Variants in ATP10B observed in about 807,000 individuals in gnomAD.
ATP10B encodes the protein phospholipid-transporting ATPase VB.
A neutral mutation model predicts 141.2 loss-of-function variants in ATP10B; 122 were observed. That is an observed-to-expected ratio of 0.86 (90% CI 0.75 to 1.00). ATP10B has a LOEUF of 1.00. ATP10B is among the 50% of genes least tolerant of loss of function. ATP10B has a pLI of 0.00. For synonymous variants in ATP10B, 685 were observed against 692.0 expected (o/e 0.99, Z 0.16); for missense variants, 1,876 against 1,825.3 (o/e 1.03, Z -0.51).
At chr5:160,714,961 A>AGTCT (rs1487520308) in intron 3 of ATP10B, among the ~76,000 whole-genome samples, 3 of 117,030 alleles carry the variant, frequency 2.6e-5, no homozygotes, top group East Asian at 4.4e-4. Flanking sequence ...TTGAGGAGGC[A>AGTCT]GTCTGCCCGT....
At chr5:160,633,969 C>T (rs902220879) in intron 12 of ATP10B, 2 of 365,202 alleles carry the variant, frequency 5.5e-6, no homozygotes, top group Non-Finnish European at 5.3e-6. Flanking sequence ...CACAGACCTG[C>T]CCTGACATGT....
At chr5:160,862,529 G>T in the ATP10B span, among the ~76,000 whole-genome samples, 1 of 151,946 alleles carries the variant, frequency 6.6e-6, no homozygotes, top group Admixed American at 6.6e-5. Flanking sequence ...ACCCTGTGGG[G>T]TCCTCAGCCC....
intron 2 of ATP10B, among the ~76,000 whole-genome samples, chr5:160,721,285 T>C (rs1351120802): frequency 6.6e-6 from 1 of 152,144 alleles, no homozygotes; most frequent in Non-Finnish European, 1.5e-5. Flanking sequence ...TTGATTTTTA[T>C]CAAAAAGAAA....
At chr5:160,787,105 GACACACACACACACACACACACACAC>G (rs58517660) in intron 1 of ATP10B, among the ~76,000 whole-genome samples, 1 of 133,660 alleles carries the variant, frequency 7.5e-6, no homozygotes, top group African/African-American at 2.6e-5. Flanking sequence ...TTTTGACACA[GACACACACACACACACACACACACAC>G]ACACACACAC....
upstream of ATP10B, among the ~76,000 whole-genome samples, chr5:160,855,881 T>TA (rs974938043): frequency 1.5e-3 from 226 of 147,750 alleles, 2 homozygotes; most frequent in African/African-American, 3.6e-3. Flanking sequence ...TGTAACTTTG[T>TA]AAAAAAAAAA....
chr5:160,788,049 AC>A (rs1429055927), intron 1 of ATP10B, among the ~76,000 whole-genome samples: 1 of 152,106 alleles, frequency 6.6e-6, no homozygotes, highest in African/African-American at 2.4e-5. Context: ...TCATACATTC[AC>A]CTTCACCACC....
At chr5:160,761,297 C>T (rs1393225563) in intron 2 of ATP10B, among the ~76,000 whole-genome samples, 8 of 152,222 alleles carry the variant, frequency 5.3e-5, no homozygotes, top group East Asian at 3.9e-4. Context: ...CAGTCCACTT[C>T]GCTCCCCTGC....
chr5:160,765,295 G>T (rs34963637), intron 2 of ATP10B, among the ~76,000 whole-genome samples: 35,956 of 152,018 alleles, frequency 0.24, 4,602 homozygotes, highest in Non-Finnish European at 0.28. Flanking sequence ...AACAAATCTG[G>T]AGACATCACA....
chr5:160,569,681 G>T lies in ATP10B; in HGVS notation c.3753C>A (p.Thr1251=). 1 of 1,561,468 alleles carries T rather than the reference G, an allele frequency of 6.4e-7. No homozygotes were observed. The highest frequency in any genetic ancestry group is 1.4e-5 in the African/African-American group (1 of 72,958). Residue 1251 remains threonine, a splice_region_variant and synonymous_variant, in exon 25 of 26, where the codon ACC becomes ACA. Transcript: ENST00000327245. ...LHQAMEMKTW[T]IFHGVVLLGS... is the part of the protein sequence containing the mutation. ...CGAGGAGCACGACTCCGTGGAAAAT[G>T]GTCTGTGGAGGGAAATAAGCAAACA...
rs1245058495 is a variant in ATP10B, at chr5:160,587,230, A to G, written c.3750+2362T>C. ...AATAGGGAATCTTTTCCCCATTGCT[A>G]GTTTTTGTCTGGTTTGTTGAAGATC... On this transcript the variant is annotated intron_variant, in intron 24 of 25. Transcript: ENST00000327245. Among the ~76,000 whole-genome samples the G allele has an allele frequency of 2.6e-5, 4 of 152,076 alleles. No individual in the cohort carries two copies. In the South Asian group the frequency reaches 8.3e-4, roughly 32 times the overall value.
the ATP10B span, among the ~76,000 whole-genome samples, chr5:160,915,145 C>A: frequency 6.6e-6 from 1 of 152,160 alleles, no homozygotes; most frequent in Non-Finnish European, 1.5e-5. Context: ...CTTTTCAAAT[C>A]ATATTAAATT....
In ATP10B at chr5:160,687,947, G is replaced by A. The variant is rs1374405616; in HGVS notation, c.128C>T (p.Thr43Ile). ...PEKGRQSYNL[T>I]QQRVVFPNNS... Reference sequence around the variant, plus strand: ...GTTGGGGAACACGACCCGCTGCTGTGTCAAGTTGTAGCTCTGTCTCCCTTT... The same window carrying A: ...GTTGGGGAACACGACCCGCTGCTGTATCAAGTTGTAGCTCTGTCTCCCTTT... Residue 43 changes from threonine to isoleucine, a missense_variant, in exon 5 of 26, where the codon ACA becomes ATA. Thr to Ile is a moderately conservative substitution (Grantham distance 89, BLOSUM62 -1). Coordinates refer to ENST00000327245, the MANE Select transcript of ATP10B (RefSeq NM_025153.3). 1.2e-6 allele frequency: 2 copies of A among 1,614,006 alleles called. No homozygotes were observed. Among genetic ancestry groups the A allele is most frequent in the Admixed American group, 3.3e-5 (2 of 59,992 alleles).
At chr5:160,724,771 C>T (rs1376455094) in intron 2 of ATP10B, among the ~76,000 whole-genome samples, 2 of 152,210 alleles carry the variant, frequency 1.3e-5, no homozygotes, top group African/African-American at 4.8e-5. Context: ...TTGAGCACCT[C>T]CTCTGTTTCT....
Position 160,806,330 on chromosome 5 carries a change from G to A in ATP10B, c.-575-20527C>T, listed in dbSNP as rs75327501. Among the ~76,000 whole-genome samples, 883 of 152,300 alleles carry A rather than the reference G, an allele frequency of 5.8e-3. 8 individuals carry two copies. Among genetic ancestry groups the A allele is most frequent in the South Asian group, 0.022 (105 of 4,822 alleles). On this transcript the variant is annotated intron_variant, in intron 1 of 25. Transcript: ENST00000327245. ...CCTGACCCAGATAAAGGTCAACTGT[G>A]TTCCTGACACAGATCAAGGTAAGCA...
At chr5:160,628,186 C>T (rs1037732734) in intron 13 of ATP10B, among the ~76,000 whole-genome samples, 14 of 152,306 alleles carry the variant, frequency 9.2e-5, no homozygotes, top group African/African-American at 1.4e-4. Context: ...TTTTCCCAAA[C>T]GGGGCATAAG....
chr5:160,653,245 C>T (rs1431518727), intron 7 of ATP10B, among the ~76,000 whole-genome samples: 2 of 127,300 alleles, frequency 1.6e-5, no homozygotes, highest in Non-Finnish European at 3.1e-5. Flanking sequence ...AGTATATATA[C>T]ATACGTAGTA....
intron 1 of ATP10B, among the ~76,000 whole-genome samples, chr5:160,835,779 G>T (rs1303099330): frequency 1.3e-5 from 2 of 152,128 alleles, no homozygotes; most frequent in Non-Finnish European, 2.9e-5. Context: ...TTCTTCATGT[G>T]TTAGAAATAT....
intron 2 of ATP10B, among the ~76,000 whole-genome samples, chr5:160,770,097 C>G (rs143441162): frequency 6.6e-6 from 1 of 152,014 alleles, no homozygotes; most frequent in African/African-American, 2.4e-5. Context: ...AATCCTACCC[C>G]CTTTCCTCCT....
rs185655599 is a variant in ATP10B, at chr5:160,647,389, G to A, written c.761+1782C>T. Among the ~76,000 whole-genome samples, 203 of 152,252 alleles carry A rather than the reference G, an allele frequency of 1.3e-3. 1 individual carries two copies. Among genetic ancestry groups the A allele is most frequent in the African/African-American group, 7.5e-4 (31 of 41,554 alleles). ...CTTCATTCCATGGGTTAGCTACTCC[G>A]CAGTCCAACTGGACTTTTAGGACTC... On this transcript the variant is annotated intron_variant, in intron 8 of 25. Coordinates refer to ENST00000327245, the MANE Select transcript of ATP10B (RefSeq NM_025153.3).
Sources: allele counts gnomAD v4.1 joint callset (sites outside exome capture counted in the v4.1 genomes callset), GRCh38; gene constraint gnomAD v4.1.1; transcripts MANE v1.5; gene names NCBI Gene and HGNC (gene_info 2026-07-23, HGNC 2026-07-21).